UGT1A7: variants seen among roughly 807,000 people sequenced by gnomAD.
UGT1A7 encodes UDP glucuronosyltransferase family 1 member A7.
In UGT1A7, 33 loss-of-function variants were observed where a neutral mutation model predicts 45.6. That is an observed-to-expected ratio of 0.72 (90% CI 0.55 to 0.97). The LOEUF is 0.97. Ranked by LOEUF, UGT1A7 falls within the 50% of genes least tolerant of loss-of-function variation. The pLI is 0.00. For synonymous variants in UGT1A7, 274 were observed against 250.6 expected (o/e 1.09, Z -0.88); for missense variants, 684 against 666.2 (o/e 1.03, Z -0.29).
At chr2:233,744,445 T>A (rs1692819462) in intron 1 of UGT1A7, among the ~76,000 whole-genome samples, 1 of 151,876 alleles carries the variant, frequency 6.6e-6, no homozygotes, top group Non-Finnish European at 1.5e-5. Context: ...ACGTACTGCA[T>A]TAGAGATTAA....
chr2:233,711,925 CT>C (rs1575497167), intron 1 of UGT1A7, among the ~76,000 whole-genome samples: 1 of 152,210 alleles, frequency 6.6e-6, no homozygotes, highest in East Asian at 1.9e-4. Flanking sequence ...CTCAGGGTCT[CT>C]CCATTAGAAA....
intron 1 of UGT1A7, among the ~76,000 whole-genome samples, chr2:233,721,183 C>T (rs1370349767): frequency 6.6e-6 from 1 of 152,264 alleles, no homozygotes; most frequent in South Asian, 2.1e-4. Context: ...GATCAAACCA[C>T]AAGATATTTG....
At chr2:233,701,706 A>G (rs1450486741) in intron 1 of UGT1A7, among the ~76,000 whole-genome samples, 2 of 152,228 alleles carry the variant, frequency 1.3e-5, no homozygotes, top group African/African-American at 4.8e-5. Flanking sequence ...AAAACCGCTC[A>G]ACTACATGGA....
chr2:233,712,970 G>A, intron 1 of UGT1A7: 1 of 1,613,036 alleles, frequency 6.2e-7, no homozygotes. Flanking sequence ...TGGACAGTCA[G>A]CTGTCGGTGG....
intron 1 of UGT1A7, among the ~76,000 whole-genome samples, chr2:233,715,183 G>A (rs1174195139): frequency 6.6e-6 from 1 of 152,120 alleles, no homozygotes; most frequent in South Asian, 2.1e-4. Flanking sequence ...ACCACACCTA[G>A]GCAATTTTTC....
intron 1 of UGT1A7, among the ~76,000 whole-genome samples, chr2:233,697,004 C>T (rs761877638): frequency 1.3e-5 from 2 of 151,910 alleles, no homozygotes; most frequent in Non-Finnish European, 2.9e-5. Flanking sequence ...ATTTTTGCAT[C>T]TATGTTCGTC....
chr2:233,711,204 C>T (rs760514189), intron 1 of UGT1A7, among the ~76,000 whole-genome samples: 35 of 152,374 alleles, frequency 2.3e-4, no homozygotes, highest in Non-Finnish European at 4.4e-4. Context: ...CAGTCCTGCT[C>T]TCCCCAGTGC....
In UGT1A7 at chr2:233,682,274, T is replaced by C; in HGVS notation, c.337T>C (p.Ser113Pro). 6.2e-7 allele frequency: 1 copy of C among 1,614,202 alleles called. No individual in the cohort carries two copies. Among genetic ancestry groups the C allele is most frequent in the Non-Finnish European group, 8.5e-7 (1 of 1,180,030 alleles). Residue 113 changes from serine to proline, a missense_variant, in exon 1 of 5, where the codon TCC (serine) becomes CCC (proline). Physicochemically the swap from Ser to Pro is moderately conservative, Grantham distance 74. Transcript: ENST00000373426. Reference protein sequence around the residue: ...RSAFSLLTSSSNGIFDLFFSN... With the variant: ...RSAFSLLTSSPNGIFDLFFSN... ...TGCATTTTCTCTATTAACAAGTTCA[T>C]CCAATGGTATTTTTGACTTATTTTT...
chr2:233,710,625 T>C (rs924803053), intron 1 of UGT1A7, among the ~76,000 whole-genome samples: 8 of 152,198 alleles, frequency 5.3e-5, no homozygotes, highest in African/African-American at 1.9e-4. Flanking sequence ...TATATTTGAG[T>C]AGTGAGTTCT....
At chr2:233,707,897 T>C (rs1272333206) in intron 1 of UGT1A7, among the ~76,000 whole-genome samples, 2 of 152,256 alleles carry the variant, frequency 1.3e-5, no homozygotes, top group Non-Finnish European at 1.5e-5. Context: ...GTTATGTACA[T>C]GACTGATTAT....
chr2:233,769,948 G>A lies in UGT1A7; in HGVS notation c.1295+1509G>A, dbSNP rs34217924. ...TGTGGTCCCATTCCTTCCTTCCAGC[G>A]GCTTCTTCTGGCCACCTCAATGTCA... On this transcript the variant is annotated intron_variant, in intron 4 of 4. Transcript: ENST00000373426. The surrounding 1 kb of genome is among the most constrained non-coding windows in gnomAD (Gnocchi z 4.4). The A allele has an allele frequency of 2.0e-3, 447 of 222,054 alleles. 3 individuals carry two copies. The highest frequency in any genetic ancestry group is 0.017 in the East Asian group (164 of 9,732). The allele number at this position is 222,054 out of a possible 1,614,324, so 13.8% of individuals were successfully genotyped here. A position where few individuals can be genotyped will look rare whatever the true frequency, so the allele number is the denominator to read the frequency against.
chr2:233,693,701 G>C, intron 1 of UGT1A7: 2 of 1,614,192 alleles, frequency 1.2e-6, no homozygotes, highest in Non-Finnish European at 1.7e-6. Flanking sequence ...TGAAGAACTC[G>C]CATCAGCTGT....
chr2:233,744,980 G>A (rs1692979759), intron 1 of UGT1A7, among the ~76,000 whole-genome samples: 1 of 151,830 alleles, frequency 6.6e-6, no homozygotes, highest in Non-Finnish European at 1.5e-5. Context: ...TAAGCCTCTA[G>A]TCATCTCTTG....
chr2:233,768,426 A>G lies in UGT1A7; in HGVS notation c.1282A>G (p.Ile428Val), dbSNP rs1699609546. 6.2e-7 allele frequency: 1 copy of G among 1,614,122 alleles called. No homozygotes were observed. Among genetic ancestry groups the G allele is most frequent in the African/African-American group, 1.3e-5 (1 of 75,056 alleles). The change falls in exon 4 of 5, where the codon ATC (isoleucine) becomes GTC (valine). Residue 428 changes from isoleucine (I) to valine (V), a missense_variant. By Grantham distance (29) the Ile-to-Val change is conservative. Transcript: ENST00000373426. ...EDLENALKAVINDKSYKENIM... is the reference protein window; with the variant it reads ...EDLENALKAVVNDKSYKENIM... ...TTTAGAAAATGCTCTAAAAGCAGTC[A>G]TCAATGACAAAAGGTAAGAAAGAAG...
chr2:233,711,262 C>T lies in UGT1A7; in HGVS notation c.855+28470C>T, dbSNP rs1462480492. 2.6e-5 allele frequency among the ~76,000 whole-genome samples: 4 copies of T among 152,312 alleles called. No individual in the cohort carries two copies. The East Asian group carries it at 7.7e-4, about 29-fold the overall frequency. On this transcript the variant is annotated intron_variant, in intron 1 of 4. Coordinates refer to ENST00000373426, the MANE Select transcript of UGT1A7 (RefSeq NM_019077.3). ...CCATCTTCCAAGATACATGGGCCTC[C>T]CCAGGGTCTAGGAGTCCTAGACGTG... is the stretch of plus-strand genomic sequence containing the variant.
chr2:233,725,753 T>G (rs2077473127), intron 1 of UGT1A7, among the ~76,000 whole-genome samples: 1 of 152,188 alleles, frequency 6.6e-6, no homozygotes, highest in Non-Finnish European at 1.5e-5. Flanking sequence ...GTAAGAGACT[T>G]ACATTTTCTT....
intron 1 of UGT1A7, among the ~76,000 whole-genome samples, chr2:233,756,629 A>G (rs1696275606): frequency 6.6e-6 from 1 of 152,204 alleles, no homozygotes; most frequent in South Asian, 2.1e-4. Flanking sequence ...GGCCGTGTGT[A>G]TAGCACTGGG....
intron 1 of UGT1A7, among the ~76,000 whole-genome samples, chr2:233,710,453 C>T (rs1180857198): frequency 6.6e-6 from 1 of 152,190 alleles, no homozygotes; most frequent in African/African-American, 2.4e-5. Flanking sequence ...ACATTTTAGC[C>T]ATCCTAATGG....
intron 1 of UGT1A7, among the ~76,000 whole-genome samples, chr2:233,764,593 G>A (rs3771341): frequency 0.33 from 49,748 of 151,964 alleles, 8,444 homozygotes; most frequent in African/African-American, 0.4. Flanking sequence ...TTTTCCAGAT[G>A]AGCTTCAGTG....
Sources: gnomAD v4.1 joint callset for allele counts (sites outside exome capture counted in the v4.1 genomes callset) on GRCh38, gnomAD v4.1.1 for gene constraint, Gnocchi (gnomAD v3.1) non-coding constraint, MANE v1.5 for transcripts, NCBI Gene and HGNC (gene_info 2026-07-23, HGNC 2026-07-21) for gene names.